Variants in SPPL3 observed in about 807,000 individuals in gnomAD.
SPPL3 encodes signal peptide peptidase like 3.
A neutral mutation model predicts 42.4 loss-of-function variants in SPPL3; 5 were observed. The ratio of observed to expected loss-of-function variants is 0.12; its 90% CI spans 0.06 to 0.25. The LOEUF (loss-of-function observed/expected upper bound fraction) is 0.25, where lower values mean the gene tolerates loss of function less well. SPPL3 is among the 10% of genes least tolerant of loss of function. The pLI, the probability that SPPL3 is intolerant of heterozygous loss-of-function variation, is 1.00. For missense variants in SPPL3, 235 were observed against 489.0 expected, an observed-to-expected ratio of 0.48 and a Z score of 4.90; for synonymous variants, 195 against 181.8, an observed-to-expected ratio of 1.07 and a Z score of -0.58.
intron 1 of SPPL3, among the ~76,000 whole-genome samples, chr12:120,884,276 C>A (rs939698233): frequency 6.6e-5 from 10 of 152,038 alleles, no homozygotes; most frequent in African/African-American, 2.2e-4. Flanking sequence ...CCTATAGTTT[C>A]TTTAACTGGT....
intron 9 of SPPL3, among the ~76,000 whole-genome samples, chr12:120,766,849 G>C (rs1672552466): frequency 6.6e-6 from 1 of 152,224 alleles, no homozygotes; most frequent in African/African-American, 2.4e-5. Context: ...AACTGCTGTG[G>C]GACGAGGACA....
chr12:120,842,099 T>G (rs1302153572), intron 1 of SPPL3, among the ~76,000 whole-genome samples: 1 of 152,214 alleles, frequency 6.6e-6, no homozygotes, highest in African/African-American at 2.4e-5. Context: ...ATACAGACTG[T>G]GTACAGTATT....
intron 1 of SPPL3, among the ~76,000 whole-genome samples, chr12:120,889,084 G>C (rs578109551): frequency 4.3e-4 from 65 of 152,232 alleles, no homozygotes; most frequent in African/African-American, 1.4e-3. Context: ...GAAATGCTGA[G>C]ATTACAGGCA....
chr12:120,774,217 C>A (rs1869226874), intron 6 of SPPL3, among the ~76,000 whole-genome samples: 1 of 152,222 alleles, frequency 6.6e-6, no homozygotes, highest in Non-Finnish European at 1.5e-5. Context: ...ACTGTTACTG[C>A]AGACCTTGCT....
chr12:120,844,726 A>G (rs1375926282), intron 1 of SPPL3, among the ~76,000 whole-genome samples: 1 of 151,786 alleles, frequency 6.6e-6, no homozygotes, highest in East Asian at 1.9e-4. Context: ...ACAAAAACCA[A>G]CCACCAAAAT....
intron 1 of SPPL3, among the ~76,000 whole-genome samples, chr12:120,838,304 G>A (rs1221414398): frequency 6.6e-6 from 1 of 152,170 alleles, no homozygotes; most frequent in African/African-American, 2.4e-5. Context: ...TGACTCTGTA[G>A]TAGACCCTTG....
At chr12:120,899,760 G>A (rs1391870299) in intron 1 of SPPL3, among the ~76,000 whole-genome samples, 1 of 151,826 alleles carries the variant, frequency 6.6e-6, no homozygotes. Context: ...GGGCATGGTG[G>A]TACACGCCTG....
At chr12:120,781,501 A>G (rs1869537433) in intron 6 of SPPL3, among the ~76,000 whole-genome samples, 1 of 150,276 alleles carries the variant, frequency 6.7e-6, no homozygotes, top group Admixed American at 6.6e-5. Flanking sequence ...TATATAATAT[A>G]GAGCATAATA....
At chr12:120,806,304 TCCTC>T (rs975008849) in intron 2 of SPPL3, among the ~76,000 whole-genome samples, 1 of 151,088 alleles carries the variant, frequency 6.6e-6, no homozygotes. Flanking sequence ...GCTCAGGTGA[TCCTC>T]CCACCTTAGC....
intron 1 of SPPL3, among the ~76,000 whole-genome samples, chr12:120,868,689 C>T (rs1287109437): frequency 6.6e-6 from 1 of 152,120 alleles, no homozygotes; most frequent in Non-Finnish European, 1.5e-5. Context: ...ACCAAGTTGG[C>T]TAGGATGGTC....
chr12:120,803,329 T>A (rs1023844468), intron 2 of SPPL3, among the ~76,000 whole-genome samples: 34 of 152,304 alleles, frequency 2.2e-4, no homozygotes, highest in African/African-American at 7.9e-4. Context: ...AGTTAGTACA[T>A]GCTCTGAAAT....
chr12:120,795,206 C>T (rs1481613236), intron 2 of SPPL3, among the ~76,000 whole-genome samples: 2 of 152,174 alleles, frequency 1.3e-5, no homozygotes. Context: ...TTCAACCTGC[C>T]AAGTAGCTGG....
chr12:120,903,643 G>C (rs1445933664), intron 1 of SPPL3: 1 of 480,040 alleles, frequency 2.1e-6, no homozygotes, highest in Admixed American at 4.3e-5. Context: ...TCCCCTTCTC[G>C]GACGCCAGGT....
intron 2 of SPPL3, among the ~76,000 whole-genome samples, chr12:120,796,856 C>T (rs1870114902): frequency 6.6e-6 from 1 of 152,150 alleles, no homozygotes; most frequent in Admixed American, 6.5e-5. Context: ...TAGATGATTT[C>T]CACATATGCA....
At chr12:120,779,657 G>T (rs1367962162) in intron 6 of SPPL3, among the ~76,000 whole-genome samples, 1 of 152,020 alleles carries the variant, frequency 6.6e-6, no homozygotes, top group Non-Finnish European at 1.5e-5. Context: ...AAAGTGAACT[G>T]TGGAAATGTA....
At chr12:120,831,088 T>C (rs1228685275) in intron 1 of SPPL3, among the ~76,000 whole-genome samples, 3 of 151,962 alleles carry the variant, frequency 2.0e-5, no homozygotes, top group Non-Finnish European at 4.4e-5. Flanking sequence ...TCTCTCTCTC[T>C]CCTTGAGGTG....
chr12:120,767,535 G>A lies in SPPL3; in HGVS notation c.832C>T (p.Leu278=), dbSNP rs768455850. The change falls in exon 9 of 11, where the codon CTA becomes TTA. Residue 278 remains leucine, a synonymous_variant. Transcript: ENST00000353487. ...GIGDIVMPGL[L]LCFVLRYDNY... is the part of the protein sequence containing the mutation. ...TCATAGCGAAGGACAAAGCATAGTA[G>A]GAGACCAGGCATAACGATGTCTCCG... The A allele has an allele frequency of 6.2e-7, 1 of 1,614,226 alleles. No homozygotes were observed. The highest frequency in any genetic ancestry group is 8.5e-7 in the Non-Finnish European group (1 of 1,180,046).
chr12:120,895,610 CAA>C (rs1873777230), intron 1 of SPPL3, among the ~76,000 whole-genome samples: 1 of 152,166 alleles, frequency 6.6e-6, no homozygotes, highest in African/African-American at 2.4e-5. Flanking sequence ...AATTGTGAAA[CAA>C]GAGAAGTCAT....
chr12:120,824,176 G>T (rs1301260799), intron 1 of SPPL3, among the ~76,000 whole-genome samples: 12 of 152,014 alleles, frequency 7.9e-5, no homozygotes, highest in Non-Finnish European at 1.8e-4. Context: ...AGCCCACAAA[G>T]AAATTTAAAA....
Sources: gnomAD v4.1 joint callset for allele counts (sites outside exome capture counted in the v4.1 genomes callset) on GRCh38, gnomAD v4.1.1 for gene constraint, MANE v1.5 for transcripts, NCBI Gene and HGNC (gene_info 2026-07-23, HGNC 2026-07-21) for gene names.